FSTL4: variants seen among roughly 807,000 people sequenced by gnomAD.
FSTL4 encodes follistatin-related protein 4.
In FSTL4, 28 loss-of-function variants were observed where a neutral mutation model predicts 78.2. That is an observed-to-expected ratio of 0.36 (90% CI 0.27 to 0.49). The LOEUF (loss-of-function observed/expected upper bound fraction) is 0.49, where lower values mean the gene tolerates loss of function less well. FSTL4 is among the 20% of genes least tolerant of loss of function. The pLI is 0.98. For synonymous variants in FSTL4, 422 were observed against 440.5 expected (o/e 0.96, Z 0.53); for missense variants, 922 against 1,084.9 (o/e 0.85, Z 2.11).
the FSTL4 span, among the ~76,000 whole-genome samples, chr5:133,834,333 A>C: frequency 6.6e-6 from 1 of 152,214 alleles, no homozygotes; most frequent in Non-Finnish European, 1.5e-5. Context: ...ATGGATAAGC[A>C]CAAGACAGGT....
At chr5:133,789,438 A>G in the FSTL4 span, among the ~76,000 whole-genome samples, 1 of 152,246 alleles carries the variant, frequency 6.6e-6, no homozygotes, top group Admixed American at 6.5e-5. Flanking sequence ...AAGGAAGCTA[A>G]TCACTAGATA....
Position 133,257,760 on chromosome 5 carries a change from G to A in FSTL4, c.728-8184C>T, listed in dbSNP as rs142127703. ...GCTGCATACCAGCTCTTCCACCTCCGCTGGTTCCTGTGTGTGGGGTAGCCT... is the reference window on the plus strand; with the variant it reads ...GCTGCATACCAGCTCTTCCACCTCCACTGGTTCCTGTGTGTGGGGTAGCCT... On this transcript the variant is annotated intron_variant, in intron 6 of 15. Coordinates refer to ENST00000265342, the MANE Select transcript of FSTL4 (RefSeq NM_015082.2). Among the ~76,000 whole-genome samples, 696 of 152,220 alleles carry A rather than the reference G, an allele frequency of 4.6e-3. 3 individuals carry two copies. Among genetic ancestry groups the A allele is most frequent in the Non-Finnish European group, 8.1e-3 (548 of 67,992 alleles).
chr5:133,582,880 C>G (rs1170925082), intron 2 of FSTL4, among the ~76,000 whole-genome samples: 1 of 152,150 alleles, frequency 6.6e-6, no homozygotes, highest in Non-Finnish European at 1.5e-5. Context: ...CCCTCCTCTC[C>G]TCACTCATGG....
At chr5:133,304,244 T>C (rs1007463849) in intron 6 of FSTL4, among the ~76,000 whole-genome samples, 2 of 152,250 alleles carry the variant, frequency 1.3e-5, no homozygotes, top group Admixed American at 6.5e-5. Flanking sequence ...ATTTTATATC[T>C]TTGTAATGAA....
At chr5:133,760,812 C>T in the FSTL4 span, among the ~76,000 whole-genome samples, 5 of 152,290 alleles carry the variant, frequency 3.3e-5, no homozygotes, top group African/African-American at 1.2e-4. Flanking sequence ...TGATTCAGCC[C>T]ACAGGCAATA....
the FSTL4 span, among the ~76,000 whole-genome samples, chr5:133,831,434 C>T: frequency 1.3e-5 from 2 of 152,176 alleles, no homozygotes; most frequent in African/African-American, 4.8e-5. Context: ...GAACTCCACA[C>T]GCAACCTCAT....
chr5:133,375,553 T>A (rs1175547705), intron 4 of FSTL4, among the ~76,000 whole-genome samples: 5 of 152,012 alleles, frequency 3.3e-5, no homozygotes, highest in Admixed American at 3.3e-4. Flanking sequence ...TTCCCCATTG[T>A]CAGAAAACAG....
chr5:133,373,264 C>T (rs1755356039), intron 4 of FSTL4, among the ~76,000 whole-genome samples: 1 of 152,246 alleles, frequency 6.6e-6, no homozygotes, highest in South Asian at 2.1e-4. Context: ...CAGGGCTCTG[C>T]AGCCAACAAG....
intron 3 of FSTL4, among the ~76,000 whole-genome samples, chr5:133,461,454 A>G (rs1228167579): frequency 1.3e-5 from 2 of 152,162 alleles, no homozygotes; most frequent in African/African-American, 2.4e-5. Context: ...CTACAGTGCA[A>G]TCTCCCAGTT....
chr5:133,448,265 C>T (rs1757306967), intron 3 of FSTL4, among the ~76,000 whole-genome samples: 1 of 152,228 alleles, frequency 6.6e-6, no homozygotes, highest in Non-Finnish European at 1.5e-5. Flanking sequence ...GGCTTCTAGA[C>T]TTCTCCCTGC....
the FSTL4 span, among the ~76,000 whole-genome samples, chr5:133,622,717 C>T: frequency 6.6e-6 from 1 of 152,040 alleles, no homozygotes; most frequent in Admixed American, 6.6e-5. Context: ...CTGTATATCC[C>T]CTTTGGTGAA....
chr5:133,779,716 T>A, the FSTL4 span, among the ~76,000 whole-genome samples: 1 of 152,224 alleles, frequency 6.6e-6, no homozygotes, highest in Admixed American at 6.5e-5. Context: ...AGGCCCCAGA[T>A]GACCCAGGCC....
intron 3 of FSTL4, among the ~76,000 whole-genome samples, chr5:133,549,343 G>A (rs1301858781): frequency 2.0e-5 from 3 of 151,894 alleles, no homozygotes; most frequent in Non-Finnish European, 4.4e-5. Flanking sequence ...TGCCCTGTTT[G>A]CTCTGAAGTC....
At chr5:133,618,681 A>G in the FSTL4 span, among the ~76,000 whole-genome samples, 2 of 152,220 alleles carry the variant, frequency 1.3e-5, no homozygotes, top group Non-Finnish European at 2.9e-5. Flanking sequence ...TTATTGCATA[A>G]ATTAAGCTCA....
intron 3 of FSTL4, among the ~76,000 whole-genome samples, chr5:133,483,671 G>C (rs1177705915): frequency 6.6e-6 from 1 of 152,220 alleles, no homozygotes; most frequent in Non-Finnish European, 1.5e-5. Context: ...CTCATGATAA[G>C]TCTTTGTGTT....
intron 3 of FSTL4, among the ~76,000 whole-genome samples, chr5:133,521,637 A>G (rs780050817): frequency 6.6e-6 from 1 of 152,208 alleles, no homozygotes; most frequent in Non-Finnish European, 1.5e-5. Context: ...AATGATTCTC[A>G]ATAAACATTA....
chr5:133,799,957 C>A, the FSTL4 span, among the ~76,000 whole-genome samples: 1 of 139,090 alleles, frequency 7.2e-6, no homozygotes, highest in Non-Finnish European at 1.6e-5. Flanking sequence ...ACCTGAGCAC[C>A]CTTCTCTCTC....
chr5:133,558,741 G>A (rs888371428), intron 3 of FSTL4, among the ~76,000 whole-genome samples: 13 of 152,118 alleles, frequency 8.5e-5, no homozygotes, highest in African/African-American at 2.4e-4. Context: ...AGTGGGGTGC[G>A]TTAGAATGCA....
At chr5:133,796,435 A>T in the FSTL4 span, among the ~76,000 whole-genome samples, 1 of 152,154 alleles carries the variant, frequency 6.6e-6, no homozygotes, top group Non-Finnish European at 1.5e-5. Flanking sequence ...ATCCCAGAAA[A>T]ATCAGGCCAC....
Sources: gnomAD v4.1 joint callset for allele counts (sites outside exome capture counted in the v4.1 genomes callset) on GRCh38, gnomAD v4.1.1 for gene constraint, MANE v1.5 for transcripts, NCBI Gene and HGNC (gene_info 2026-07-23, HGNC 2026-07-21) for gene names.